The following RPS6KA2 variants were observed in gnomAD, a reference collection of about 807,000 sequenced individuals.
RPS6KA2 encodes ribosomal protein S6 kinase alpha-2.
RPS6KA2 carries 42 observed loss-of-function variants against 91.8 expected under a neutral mutation model. The observed-to-expected ratio is 0.46, with a 90% CI of 0.36 to 0.59. The LOEUF (loss-of-function observed/expected upper bound fraction) is 0.59. Among genes scored for constraint, RPS6KA2 ranks in the 20% least tolerant of loss-of-function variants. The pLI, the probability that RPS6KA2 is intolerant of heterozygous loss-of-function variation, is 0.00. For missense variants in RPS6KA2, 798 were observed against 978.5 expected (o/e 0.82, Z 2.46); for synonymous variants, 414 against 393.6 (o/e 1.05, Z -0.61).
intron 1 of RPS6KA2, among the ~76,000 whole-genome samples, chr6:166,610,405 C>T (rs749561909): frequency 2.1e-4 from 32 of 152,100 alleles, no homozygotes; most frequent in African/African-American, 6.0e-4. Context: ...AGTTACCCAT[C>T]GGCTGTAGCA....
chr6:166,761,587 C>T (rs1348716675), intron 2 of RPS6KA2, among the ~76,000 whole-genome samples: 2 of 152,208 alleles, frequency 1.3e-5, no homozygotes, highest in East Asian at 1.9e-4. Context: ...CACGACACAG[C>T]GGAAAGCATC....
chr6:166,431,464 G>A (rs548363253), intron 15 of RPS6KA2, among the ~76,000 whole-genome samples: 7 of 152,320 alleles, frequency 4.6e-5, no homozygotes, highest in Admixed American at 3.9e-4. Flanking sequence ...GTGGCCAGGC[G>A]CTGGGAGCAC....
In RPS6KA2 at chr6:166,831,097, G is replaced by A. The variant is rs185080343; in HGVS notation, c.123+27103C>T. ...ACCCTCCAGTGGCAGGGGGTATTGGGTCCATCCACGGAGAGAACCCCTGAT... is the reference window on the plus strand; with the variant it reads ...ACCCTCCAGTGGCAGGGGGTATTGGATCCATCCACGGAGAGAACCCCTGAT... On this transcript the variant is annotated intron_variant, in intron 2 of 21. Coordinates refer to the RPS6KA2 transcript ENST00000503859. 7.2e-5 allele frequency among the ~76,000 whole-genome samples: 11 copies of A among 152,192 alleles called. No homozygotes were observed. In the East Asian group the frequency reaches 2.1e-3, roughly 29 times the overall value.
At chr6:166,862,432 T>C in exon 1 of RPS6KA2, 3 of 1,292,330 alleles carry the variant, frequency 2.3e-6, no homozygotes, top group South Asian at 1.6e-5. Flanking sequence ...GCCAGGGCTC[T>C]GGGGAGCTGC....
intron 2 of RPS6KA2, among the ~76,000 whole-genome samples, chr6:166,742,909 C>T (rs1235225259): frequency 6.6e-6 from 1 of 152,212 alleles, no homozygotes; most frequent in Non-Finnish European, 1.5e-5. Flanking sequence ...GCACAAGTTG[C>T]TCTGACTAAT....
chr6:166,497,006 C>T (rs1204942908), intron 8 of RPS6KA2, among the ~76,000 whole-genome samples: 1 of 152,196 alleles, frequency 6.6e-6, no homozygotes, highest in Non-Finnish European at 1.5e-5. Context: ...ACAGGAAACC[C>T]ACACATGTGG....
chr6:166,837,548 C>T (rs570183955), intron 2 of RPS6KA2, among the ~76,000 whole-genome samples: 5 of 152,340 alleles, frequency 3.3e-5, no homozygotes, highest in Admixed American at 3.3e-4. Context: ...CCCCAGTCCC[C>T]TCCCCCTGCG....
At chr6:166,714,675 C>A (rs1392842895) in intron 2 of RPS6KA2, among the ~76,000 whole-genome samples, 1 of 152,168 alleles carries the variant, frequency 6.6e-6, no homozygotes, top group Non-Finnish European at 1.5e-5. Context: ...GCCTGAAGCA[C>A]CAGAAGCAAA....
intron 11 of RPS6KA2, among the ~76,000 whole-genome samples, chr6:166,461,688 C>T (rs898535324): frequency 2.0e-5 from 3 of 152,192 alleles, no homozygotes; most frequent in Non-Finnish European, 2.9e-5. Context: ...AATTTATTTA[C>T]ACAAGAGATT....
At chr6:166,469,063 G>A (rs1236200371) in intron 11 of RPS6KA2, among the ~76,000 whole-genome samples, 2 of 152,156 alleles carry the variant, frequency 1.3e-5, no homozygotes, top group East Asian at 1.9e-4. Flanking sequence ...AGGAGGTATC[G>A]CCTTCCTCAG....
intron 2 of RPS6KA2, among the ~76,000 whole-genome samples, chr6:166,731,036 C>G (rs7750983): frequency 6.6e-6 from 1 of 151,984 alleles, no homozygotes; most frequent in Non-Finnish European, 1.5e-5. Flanking sequence ...TGAGGTCGGG[C>G]GTTTGAGACC....
At chr6:166,617,104 C>T (rs945232124) in intron 1 of RPS6KA2, among the ~76,000 whole-genome samples, 3 of 152,230 alleles carry the variant, frequency 2.0e-5, no homozygotes, top group Non-Finnish European at 4.4e-5. Flanking sequence ...AGAGGGAAGT[C>T]ATTCATCACA....
chr6:166,518,054 G>T (rs1463200966), intron 3 of RPS6KA2, among the ~76,000 whole-genome samples: 3 of 151,988 alleles, frequency 2.0e-5, no homozygotes, highest in Non-Finnish European at 4.4e-5. Flanking sequence ...CTCTAGCGCT[G>T]CTGGGTTAGG....
In RPS6KA2 at chr6:166,792,082, T is replaced by C. The variant is rs949613601; in HGVS notation, c.123+66118A>G. On this transcript the variant is annotated intron_variant, in intron 2 of 21. Transcript: ENST00000503859. ...TCAAAAAATCAATGAATCTGGGAGC[T>C]GGTTTCTTGAAAAGATCAACAAAAT... is the stretch of plus-strand genomic sequence containing the variant. Among the ~76,000 whole-genome samples the C allele has an allele frequency of 5.3e-5, 8 of 151,056 alleles. No individual in the cohort carries two copies. In the East Asian group the frequency reaches 5.8e-4, roughly 11 times the overall value.
At chr6:166,757,780 G>C (rs1180818533) in intron 2 of RPS6KA2, 1 of 318,980 alleles carries the variant, frequency 3.1e-6, no homozygotes, top group Non-Finnish European at 6.2e-6. Context: ...GCCCCTCACA[G>C]GCACCAGCTG....
intron 11 of RPS6KA2, among the ~76,000 whole-genome samples, chr6:166,467,019 CTCATTCAT>C (rs1256315922): frequency 6.6e-6 from 1 of 152,110 alleles, no homozygotes; most frequent in Non-Finnish European, 1.5e-5. Context: ...CATTCATTCA[CTCATTCAT>C]TCACTTCCTC....
intron 2 of RPS6KA2, among the ~76,000 whole-genome samples, chr6:166,775,493 C>A (rs1440625111): frequency 6.6e-6 from 1 of 152,204 alleles, no homozygotes; most frequent in African/African-American, 2.4e-5. Context: ...TTTAATCTTA[C>A]TGATGTGCTC....
chr6:166,712,029 T>C (rs1425087160), intron 2 of RPS6KA2, among the ~76,000 whole-genome samples: 1 of 152,224 alleles, frequency 6.6e-6, no homozygotes, highest in African/African-American at 2.4e-5. Flanking sequence ...GGGCACACTG[T>C]GAACACCTCT....
chr6:166,537,752 A>C (rs1783527119), intron 2 of RPS6KA2, among the ~76,000 whole-genome samples: 2 of 152,242 alleles, frequency 1.3e-5, no homozygotes, highest in African/African-American at 4.8e-5. Flanking sequence ...ACACAAAAAT[A>C]GTTACTTTAA....
Sources: allele counts gnomAD v4.1 joint callset (sites outside exome capture counted in the v4.1 genomes callset), GRCh38; gene constraint gnomAD v4.1.1; transcripts MANE v1.5; gene names NCBI Gene and HGNC (gene_info 2026-07-23, HGNC 2026-07-21).